The following TRAT1 variants were observed in gnomAD, a reference collection of about 807,000 sequenced individuals.
TRAT1 encodes the protein T-cell receptor-associated transmembrane adapter 1.
TRAT1 carries 20 observed loss-of-function variants against 20.0 expected under a neutral mutation model. The observed-to-expected ratio is 1.00, with a 90% CI of 0.70 to 1.45. The LOEUF (loss-of-function observed/expected upper bound fraction) is 1.45, where lower values mean the gene tolerates loss of function less well. TRAT1 is among the 40% of genes most tolerant of loss of function. The pLI, the probability that TRAT1 is intolerant of heterozygous loss-of-function variation, is 0.00. For missense variants in TRAT1, 237 were observed against 224.1 expected, an observed-to-expected ratio of 1.06 and a Z score of -0.37; for synonymous variants, 77 against 74.2, an observed-to-expected ratio of 1.04 and a Z score of -0.20.
intron 1 of TRAT1, among the ~76,000 whole-genome samples, chr3:108,825,882 T>A (rs1000293930): frequency 2.0e-5 from 3 of 152,180 alleles, no homozygotes; most frequent in African/African-American, 7.2e-5. Flanking sequence ...CAGAGGATCT[T>A]ACTAAGGTTC....
chr3:108,827,581 T>C (rs1002913927), intron 1 of TRAT1, among the ~76,000 whole-genome samples: 9 of 152,174 alleles, frequency 5.9e-5, no homozygotes, highest in African/African-American at 1.7e-4. Flanking sequence ...ATACAAAGCC[T>C]CCAAATAAAA....
chr3:108,853,657 A>T lies in TRAT1; in HGVS notation c.341A>T (p.Asp114Val). 6.2e-7 allele frequency: 1 copy of T among 1,614,114 alleles called. No homozygotes were observed. The highest frequency in any genetic ancestry group is 8.5e-7 in the Non-Finnish European group (1 of 1,179,960). Residue 114 changes from aspartate (D) to valine (V), a missense_variant, in exon 6 of 6, where the codon GAT becomes GTT. Asp to Val is a radical substitution (Grantham distance 152). Coordinates refer to ENST00000295756, the MANE Select transcript of TRAT1 (RefSeq NM_016388.4). ...NETQMCYASL[D>V]HSVKGKRRKP... ...ACACAGATGTGCTACGCCTCACTTG[A>T]TCACAGCGTTAAGGGGAAGCGTAGA...
At chr3:108,844,843 C>CAAAAAAAAAAAAAAA (rs71103495) in intron 3 of TRAT1, among the ~76,000 whole-genome samples, 25 of 47,830 alleles carry the variant, frequency 5.2e-4, no homozygotes, top group African/African-American at 2.1e-3. Flanking sequence ...GACTCTGTCT[C>CAAAAAAAAAAAAAAA]AAAAAAAAAA....
Position 108,830,780 on chromosome 3 carries a change from G to A in TRAT1, c.118G>A (p.Asp40Asn), listed in dbSNP as rs202132382. ...CCACTATGTGGAAAAGCAACGACAA[G>A]GTAAGACATTTTGACAAATTTCACA... ...ISHYVEKQRQ[D>N]KMYSYSSDHT... The change falls in exon 2 of 6, where the codon GAT becomes AAT. Residue 40 changes from aspartate (D) to asparagine (N), a missense_variant and splice_region_variant. Coordinates refer to ENST00000295756, the MANE Select transcript of TRAT1 (RefSeq NM_016388.4). 2.5e-6 allele frequency: 4 copies of A among 1,603,062 alleles called. No homozygotes were observed. In the East Asian group the frequency reaches 6.7e-5, roughly 27 times the overall value.
chr3:108,845,775 G>A (rs1040915417), intron 3 of TRAT1, among the ~76,000 whole-genome samples: 3 of 151,822 alleles, frequency 2.0e-5, no homozygotes, highest in African/African-American at 7.3e-5. Flanking sequence ...AAAGCAGTCG[G>A]TACTATTTTA....
rs765944564 is a variant in TRAT1 at position 108,822,799 on chromosome 3, A to C, written c.-129A>C. On this transcript the variant is annotated 5_prime_UTR_variant, in exon 1 of 6. Transcript: ENST00000295756. ...AAAAGAATCCGAGGCACAGATAAAG[A>C]TAAGTTTTACTGTCATGCTGCTTTT... The C allele has an allele frequency of 9.1e-5, 61 of 666,794 alleles. No homozygotes were observed. The highest frequency in any genetic ancestry group is 5.2e-4 in the Middle Eastern group (2 of 3,824). 41.3% of individuals were successfully genotyped at this position (666,794 alleles called of 1,614,324 possible).
intron 1 of TRAT1, among the ~76,000 whole-genome samples, chr3:108,824,426 G>A (rs867410695): frequency 1.3e-5 from 2 of 152,082 alleles, no homozygotes; most frequent in Admixed American, 1.3e-4. Flanking sequence ...AGCACAACAT[G>A]CTAACTCATT....
intron 3 of TRAT1, among the ~76,000 whole-genome samples, chr3:108,841,506 G>A (rs891545543): frequency 6.6e-6 from 1 of 152,022 alleles, no homozygotes; most frequent in African/African-American, 2.4e-5. Context: ...TGTTTCTCGG[G>A]TGGGGCTTGC....
At chr3:108,846,938 C>A (rs1388883647) in intron 3 of TRAT1, 130 bp from the exon 4 acceptor site, 2 of 642,802 alleles carry the variant, frequency 3.1e-6, no homozygotes, top group Non-Finnish European at 5.6e-6. Context: ...AAGAACACAC[C>A]TACCGTGGTT....
At chr3:108,839,570 C>T (rs772292855) in intron 3 of TRAT1, among the ~76,000 whole-genome samples, 17 of 151,386 alleles carry the variant, frequency 1.1e-4, no homozygotes, top group Non-Finnish European at 1.9e-4. Context: ...CACTTGAACC[C>T]GGGAGGCGGA....
At chr3:108,824,740 C>G (rs1302829525) in intron 1 of TRAT1, among the ~76,000 whole-genome samples, 1 of 152,172 alleles carries the variant, frequency 6.6e-6, no homozygotes, top group Non-Finnish European at 1.5e-5. Flanking sequence ...CCAGTTCATA[C>G]TTTAGCAAAG....
At chr3:108,839,330 C>T in intron 3 of TRAT1, 1 of 213,096 alleles carries the variant, frequency 4.7e-6, no homozygotes, top group African/African-American at 2.3e-5. Context: ...CAACCTAATA[C>T]AATTTAAGAT....
At chr3:108,846,905 T>C (rs993710573) in intron 3 of TRAT1, among the ~76,000 whole-genome samples, 163 bp from the exon 4 acceptor site, 19 of 152,222 alleles carry the variant, frequency 1.2e-4, no homozygotes, top group African/African-American at 4.6e-4. Context: ...CACACATGCA[T>C]GCACGTGTTC....
At chr3:108,853,488 T>G in intron 5 of TRAT1, 132 bp from the exon 6 acceptor site, 2 of 1,046,436 alleles carry the variant, frequency 1.9e-6, no homozygotes, top group Non-Finnish European at 2.8e-6. Flanking sequence ...TTTTTTGTAC[T>G]GACAAATTTG....
chr3:108,834,906 A>AT (rs1945825428), intron 2 of TRAT1, among the ~76,000 whole-genome samples: 1 of 152,112 alleles, frequency 6.6e-6, no homozygotes, highest in Admixed American at 6.5e-5. Context: ...TAAATCCTTC[A>AT]TTTTTTATGT....
At position 108,834,733 on chromosome 3, in the gene TRAT1, A is replaced by C. The variant is rs570285745; in HGVS notation, c.118+3953A>C. Among the ~76,000 whole-genome samples, 4 of 152,202 alleles carry C rather than the reference A, an allele frequency of 2.6e-5. No homozygotes were observed. The South Asian group carries it at 8.3e-4, about 31-fold the overall frequency. On this transcript the variant is annotated intron_variant, in intron 2 of 5. Coordinates refer to ENST00000295756, the MANE Select transcript of TRAT1 (RefSeq NM_016388.4). The stretch of plus-strand genomic sequence containing the variant: ...CTCCACCTTGGTTAGTCAGTGAATA[A>C]GTTTTGCTGGTGTAATAAATAGCGT...
chr3:108,848,481 C>T (rs1463359591), intron 4 of TRAT1, among the ~76,000 whole-genome samples: 1 of 152,168 alleles, frequency 6.6e-6, no homozygotes, highest in Admixed American at 6.5e-5. Flanking sequence ...TTTAAATGGA[C>T]ATATCTGGGG....
intron 5 of TRAT1, among the ~76,000 whole-genome samples, chr3:108,849,479 G>A (rs2715717): frequency 0.55 from 83,167 of 151,428 alleles, 23,214 homozygotes; most frequent in East Asian, 0.9. Flanking sequence ...GGAATAATAG[G>A]ATTATTCCTA....
At chr3:108,824,439 T>C (rs896660858) in intron 1 of TRAT1, among the ~76,000 whole-genome samples, 1 of 152,228 alleles carries the variant, frequency 6.6e-6, no homozygotes, top group Non-Finnish European at 1.5e-5. Context: ...AACTCATTGT[T>C]CAATATGCAT....
Sources: allele counts gnomAD v4.1 joint callset (sites outside exome capture counted in the v4.1 genomes callset), GRCh38; gene constraint gnomAD v4.1.1; transcripts MANE v1.5; gene names NCBI Gene and HGNC (gene_info 2026-07-23, HGNC 2026-07-21).